The following RAPGEF2 variants were observed in gnomAD, a reference collection of about 807,000 sequenced individuals.
The protein encoded by RAPGEF2 is PDZ domain containing guanine nucleotide exchange factor (GEF) 1.
In RAPGEF2, 54 loss-of-function variants were observed where a neutral mutation model predicts 186.7. The observed-to-expected ratio is 0.29, with a 90% confidence interval of 0.23 to 0.36. The LOEUF is 0.36. Among genes scored for constraint, RAPGEF2 ranks in the 10% least tolerant of loss-of-function variants. The pLI is 1.00. For synonymous variants in RAPGEF2, 712 were observed against 705.9 expected, an observed-to-expected ratio of 1.01 and a Z score of -0.14; for missense variants, 1,532 against 2,045.0, an observed-to-expected ratio of 0.75 and a Z score of 4.84.
At chr4:159,139,439 A>G (rs1223548623) in intron 1 of RAPGEF2, among the ~76,000 whole-genome samples, 1 of 152,208 alleles carries the variant, frequency 6.6e-6, no homozygotes, top group Admixed American at 6.5e-5. Context: ...TGAGAAGGAC[A>G]TCCTATATAA....
rs977977121 is a variant in RAPGEF2, at chr4:159,343,227, A to G, written c.3130+37A>G. ...GCAGAGGGTTTCCATCTTTGCTTGAAGAAGCACAGAATAAATGCCATGTGA... is the reference window on the plus strand; with the variant it reads ...GCAGAGGGTTTCCATCTTTGCTTGAGGAAGCACAGAATAAATGCCATGTGA... On this transcript the variant is annotated intron_variant, in intron 21 of 29. Transcript: ENST00000691494. The G allele has an allele frequency of 3.7e-6, 6 of 1,613,860 alleles. No homozygotes were observed. In the African/African-American group the frequency reaches 6.7e-5, roughly 18 times the overall value.
chr4:159,305,890 C>T (rs1203216686), intron 8 of RAPGEF2, among the ~76,000 whole-genome samples: 1 of 151,424 alleles, frequency 6.6e-6, no homozygotes, highest in Non-Finnish European at 1.5e-5. Context: ...ATCCAATTTT[C>T]CCAGCACCAT....
chr4:159,256,486 G>T (rs1288766118), intron 7 of RAPGEF2, among the ~76,000 whole-genome samples: 1 of 152,156 alleles, frequency 6.6e-6, no homozygotes, highest in Non-Finnish European at 1.5e-5. Flanking sequence ...CTTTGCTATT[G>T]TGAGTAGTGC....
intron 11 of RAPGEF2, chr4:159,327,636 G>C (rs953222834): frequency 6.9e-6 from 1 of 145,390 alleles, no homozygotes; most frequent in Non-Finnish European, 1.5e-5. Context: ...CAGCCTGGGC[G>C]ATAGAGTGAG....
intron 1 of RAPGEF2, among the ~76,000 whole-genome samples, chr4:159,118,408 ATAAT>A (rs1739286978): frequency 6.6e-6 from 1 of 152,150 alleles, no homozygotes. Context: ...GGTGAGTTGT[ATAAT>A]TATTTCATTA....
At chr4:159,272,235 C>T (rs184676940) in intron 7 of RAPGEF2, among the ~76,000 whole-genome samples, 59 of 152,324 alleles carry the variant, frequency 3.9e-4, no homozygotes, top group Admixed American at 3.9e-3. Context: ...TCATTTTCAT[C>T]ATACATAAGC....
At chr4:159,268,563 C>T (rs886504951) in intron 7 of RAPGEF2, among the ~76,000 whole-genome samples, 2 of 152,038 alleles carry the variant, frequency 1.3e-5, no homozygotes, top group African/African-American at 4.8e-5. Flanking sequence ...AATGAGAAAT[C>T]ATCAGAAAGG....
chr4:159,177,254 G>A (rs1296895141), intron 1 of RAPGEF2, among the ~76,000 whole-genome samples: 2 of 150,374 alleles, frequency 1.3e-5, no homozygotes, highest in African/African-American at 4.9e-5. Context: ...ATCATAAAAG[G>A]ATACATTAAT....
chr4:159,257,670 A>G (rs894678891), intron 7 of RAPGEF2, among the ~76,000 whole-genome samples: 2 of 152,204 alleles, frequency 1.3e-5, no homozygotes, highest in Non-Finnish European at 1.5e-5. Flanking sequence ...TCCCAGCACC[A>G]TTTATTAAAT....
chr4:159,171,055 A>G (rs182308045), intron 1 of RAPGEF2, among the ~76,000 whole-genome samples: 431 of 152,224 alleles, frequency 2.8e-3, no homozygotes, highest in African/African-American at 0.01. Flanking sequence ...TACCCTGTCT[A>G]CTTCTTAAGT....
chr4:159,355,882 C>CG lies in RAPGEF2; in HGVS notation c.4681_4682insG (p.Pro1561ArgfsTer14). ...AAAGGAGGGCAGGTATCGAGAGCCCCCGCCCACCCCTCCCGGCTACATTGG... is the reference window on the plus strand; with the variant it reads ...AAAGGAGGGCAGGTATCGAGAGCCCCGCGCCCACCCCTCCCGGCTACATTGG... On this transcript the variant is annotated frameshift_variant, in exon 29 of 30. Transcript: ENST00000691494. LOFTEE classifies it high-confidence loss of function. 2 of 1,532,814 alleles carry CG rather than the reference C, an allele frequency of 1.3e-6. No individual in the cohort carries two copies. The highest frequency in any genetic ancestry group is 1.8e-6 in the Non-Finnish European group (2 of 1,132,990). The allele number at this position is 1,532,814 out of a possible 1,614,324, so 95.0% of individuals were successfully genotyped here.
intron 3 of RAPGEF2, among the ~76,000 whole-genome samples, chr4:159,206,211 T>A (rs891261088): frequency 6.6e-6 from 1 of 152,240 alleles, no homozygotes; most frequent in Non-Finnish European, 1.5e-5. Flanking sequence ...ATGACAGGCA[T>A]GAGCCACCGC....
intron 29 of RAPGEF2, among the ~76,000 whole-genome samples, chr4:159,356,383 T>A (rs1048564881): frequency 1.3e-5 from 2 of 152,136 alleles, no homozygotes; most frequent in African/African-American, 4.8e-5. Flanking sequence ...TGCCAAAGAT[T>A]ATGGAGGGAG....
At chr4:159,243,450 A>G (rs943747502) in intron 6 of RAPGEF2, among the ~76,000 whole-genome samples, 45 of 151,972 alleles carry the variant, frequency 3.0e-4, no homozygotes, top group African/African-American at 1.0e-3. Flanking sequence ...ATTATTCTTT[A>G]TTACCCCTAC....
At chr4:159,292,261 G>T (rs1283774137) in intron 7 of RAPGEF2, among the ~76,000 whole-genome samples, 3 of 152,058 alleles carry the variant, frequency 2.0e-5, no homozygotes, top group Non-Finnish European at 4.4e-5. Context: ...AGCTTGTACT[G>T]ACCTAGCTAT....
At position 159,359,905 on chromosome 4, in the gene RAPGEF2, C is replaced by G. The variant is rs1732538476; in HGVS notation, c.*1766C>G. ...AATTGTAGAACATAGGACTGCTAAT[C>G]TCAGTTCGCTCTGTGATGTCAAGTG... is the stretch of plus-strand genomic sequence containing the variant. On this transcript the variant is annotated 3_prime_UTR_variant, in exon 30 of 30. Transcript: ENST00000691494. The G allele has an allele frequency of 6.6e-6, 1 of 152,216 alleles. No individual in the cohort carries two copies. The highest frequency in any genetic ancestry group is 2.1e-4 in the South Asian group (1 of 4,836). 9.4% of individuals were successfully genotyped at this position (152,216 alleles called of 1,614,324 possible).
chr4:159,264,566 CT>C (rs1340407375), intron 7 of RAPGEF2, among the ~76,000 whole-genome samples: 1 of 152,066 alleles, frequency 6.6e-6, no homozygotes, highest in Non-Finnish European at 1.5e-5. Flanking sequence ...TTGCCATTTA[CT>C]TTTTTTAAAT....
chr4:159,353,048 C>A lies in RAPGEF2; in HGVS notation c.4091+138C>A. 1.2e-6 allele frequency: 1 copy of A among 824,156 alleles called. No individual in the cohort carries two copies. Among genetic ancestry groups the A allele is most frequent in the Non-Finnish European group, 1.9e-6 (1 of 533,850 alleles). The allele number at this position is 824,156 out of a possible 1,614,324, so 51.1% of individuals were successfully genotyped here. A position where few individuals can be genotyped will look rare whatever the true frequency, so the allele number is the denominator to read the frequency against. On this transcript the variant is annotated intron_variant, in intron 27 of 29. Transcript: ENST00000691494. This position sits in a 1 kb window ranked among gnomAD's most constrained non-coding sequence, Gnocchi z 4.3. ...TTTCTGCCATCCCAGTTCTGATTTTCACAATTTCTACACTAAGTATCATGT... is the reference window on the plus strand; with the variant it reads ...TTTCTGCCATCCCAGTTCTGATTTTAACAATTTCTACACTAAGTATCATGT...
chr4:159,303,201 A>G (rs1389464151), intron 7 of RAPGEF2, among the ~76,000 whole-genome samples: 2 of 152,166 alleles, frequency 1.3e-5, no homozygotes, highest in African/African-American at 4.8e-5. Flanking sequence ...TCCATTGATC[A>G]TTGTCGTAAA....
Sources: allele counts gnomAD v4.1 joint callset (sites outside exome capture counted in the v4.1 genomes callset), GRCh38; gene constraint gnomAD v4.1.1; non-coding constraint Gnocchi (gnomAD v3.1); transcripts MANE v1.5; gene names NCBI Gene and HGNC (gene_info 2026-07-23, HGNC 2026-07-21).